Variants in XYLT1 observed in about 807,000 individuals in gnomAD.
The protein encoded by XYLT1 is beta-D-xylosyltransferase 1.
XYLT1 carries 36 observed loss-of-function variants against 91.3 expected under a neutral mutation model. That is an observed-to-expected ratio of 0.39 (90% CI 0.30 to 0.52). The LOEUF is 0.52. Ranked by LOEUF, XYLT1 falls within the 20% of genes least tolerant of loss-of-function variation. The pLI, the probability that XYLT1 is intolerant of heterozygous loss-of-function variation, is 0.68. For missense variants in XYLT1, 1,242 were observed against 1,284.5 expected (o/e 0.97, Z 0.51); for synonymous variants, 588 against 532.0 (o/e 1.11, Z -1.45).
chr16:17,113,912 A>G (rs1332341501), intron 11 of XYLT1, among the ~76,000 whole-genome samples: 1 of 152,160 alleles, frequency 6.6e-6, no homozygotes, highest in Non-Finnish European at 1.5e-5. Flanking sequence ...GGGCACCCCA[A>G]TGCCATGGGG....
chr16:17,225,946 T>C (rs2033056825), intron 3 of XYLT1, among the ~76,000 whole-genome samples: 1 of 152,178 alleles, frequency 6.6e-6, no homozygotes, highest in Admixed American at 6.5e-5. Flanking sequence ...CATATTTACC[T>C]TACCCCTAAG....
intron 1 of XYLT1, among the ~76,000 whole-genome samples, chr16:17,448,755 CAGAGGA>C (rs1011246405): frequency 3.3e-5 from 5 of 151,012 alleles, no homozygotes; most frequent in South Asian, 2.1e-4. Context: ...AGGAGGAGGG[CAGAGGA>C]AGAGGAAGAG....
intron 3 of XYLT1, among the ~76,000 whole-genome samples, chr16:17,218,342 G>T (rs1171964696): frequency 6.6e-6 from 1 of 150,566 alleles, no homozygotes; most frequent in African/African-American, 2.4e-5. Context: ...GGTGGGGAGA[G>T]GGGAGTAGTG....
intron 1 of XYLT1, among the ~76,000 whole-genome samples, chr16:17,393,328 G>C (rs1234334715): frequency 2.0e-5 from 3 of 152,204 alleles, no homozygotes; most frequent in Admixed American, 6.5e-5. Context: ...TAAATGTAAG[G>C]GGTGCAGGAG....
chr16:17,404,346 G>A (rs2036004416), intron 1 of XYLT1, among the ~76,000 whole-genome samples: 3 of 152,206 alleles, frequency 2.0e-5, no homozygotes, highest in African/African-American at 4.8e-5. Flanking sequence ...GGATGAGGGC[G>A]TGGAGCAGGT....
chr16:17,454,244 T>C (rs1042804723), intron 1 of XYLT1, among the ~76,000 whole-genome samples: 2 of 152,364 alleles, frequency 1.3e-5, no homozygotes, highest in African/African-American at 4.8e-5. Context: ...CTATTTATAA[T>C]GGCCCCAAAC....
At chr16:17,186,403 G>C (rs370182100) in intron 5 of XYLT1, among the ~76,000 whole-genome samples, 2 of 151,144 alleles carry the variant, frequency 1.3e-5, no homozygotes, top group African/African-American at 4.9e-5. Context: ...ATGCCCAGCC[G>C]ATTTCTTTAT....
intron 2 of XYLT1, among the ~76,000 whole-genome samples, chr16:17,304,900 T>C (rs564536370): frequency 6.6e-6 from 1 of 152,312 alleles, no homozygotes; most frequent in South Asian, 2.1e-4. Context: ...CCCTATGACA[T>C]TTCAATGCTA....
intron 2 of XYLT1, among the ~76,000 whole-genome samples, chr16:17,262,416 C>T (rs540791540): frequency 1.1e-4 from 16 of 152,296 alleles, no homozygotes; most frequent in South Asian, 2.1e-4. Context: ...TATTGTATCA[C>T]GCCTCTTGTG....
chr16:17,386,924 A>C (rs1286600781), intron 1 of XYLT1, among the ~76,000 whole-genome samples: 4 of 152,244 alleles, frequency 2.6e-5, no homozygotes, highest in African/African-American at 9.6e-5. Context: ...TTAATAGTCA[A>C]GCCAAAGCGC....
chr16:17,299,729 C>G (rs932296070), intron 2 of XYLT1, among the ~76,000 whole-genome samples: 8 of 152,250 alleles, frequency 5.3e-5, no homozygotes, highest in African/African-American at 1.9e-4. Context: ...CCCTAACTGC[C>G]AGAACATAGC....
At chr16:17,172,141 A>C (rs1283683840) in intron 5 of XYLT1, among the ~76,000 whole-genome samples, 1 of 152,206 alleles carries the variant, frequency 6.6e-6, no homozygotes, top group Non-Finnish European at 1.5e-5. Flanking sequence ...GTAAGTATTA[A>C]CTATGTTACT....
intron 2 of XYLT1, among the ~76,000 whole-genome samples, chr16:17,270,501 A>T (rs2033872989): frequency 2.0e-5 from 3 of 152,320 alleles, no homozygotes; most frequent in Admixed American, 2.0e-4. Flanking sequence ...CCCTATCAGC[A>T]TAAGAGACAG....
chr16:17,249,166 C>G (rs371326011), intron 3 of XYLT1, among the ~76,000 whole-genome samples: 1 of 152,134 alleles, frequency 6.6e-6, no homozygotes, highest in Non-Finnish European at 1.5e-5. Flanking sequence ...AGGGGATGCT[C>G]GATGACTAAT....
intron 3 of XYLT1, among the ~76,000 whole-genome samples, chr16:17,209,371 T>C (rs2032716663): frequency 1.3e-5 from 2 of 152,232 alleles, no homozygotes; most frequent in Admixed American, 6.5e-5. Flanking sequence ...CTCCACTGTA[T>C]GCATATAGCA....
chr16:17,436,837 T>C (rs1446994251), intron 1 of XYLT1, among the ~76,000 whole-genome samples: 1 of 152,178 alleles, frequency 6.6e-6, no homozygotes, highest in Non-Finnish European at 1.5e-5. Context: ...AAGAGCAAGG[T>C]CTTCTGGAAC....
intron 1 of XYLT1, among the ~76,000 whole-genome samples, chr16:17,385,535 A>G (rs940180350): frequency 6.6e-6 from 1 of 151,888 alleles, no homozygotes; most frequent in African/African-American, 2.4e-5. Context: ...TTGACACAAT[A>G]CACGGTATTC....
At chr16:17,368,016 C>T (rs2035476971) in intron 1 of XYLT1, among the ~76,000 whole-genome samples, 1 of 152,210 alleles carries the variant, frequency 6.6e-6, no homozygotes, top group Non-Finnish European at 1.5e-5. Flanking sequence ...TCTTTTGCTC[C>T]TTCACAAGAG....
chr16:17,259,993 T>C (rs1192477817), intron 2 of XYLT1, among the ~76,000 whole-genome samples: 1 of 152,080 alleles, frequency 6.6e-6, no homozygotes, highest in African/African-American at 2.4e-5. Flanking sequence ...GAAATCAGAC[T>C]GAGCCGTTGT....
Sources: allele counts gnomAD v4.1 joint callset (sites outside exome capture counted in the v4.1 genomes callset), GRCh38; gene constraint gnomAD v4.1.1; transcripts MANE v1.5; gene names NCBI Gene and HGNC (gene_info 2026-07-23, HGNC 2026-07-21).